Variants in SHANK2 observed in about 807,000 individuals in gnomAD.
The protein encoded by SHANK2 is SH3 and multiple ankyrin repeat domains protein 2.
In SHANK2, 43 loss-of-function variants were observed where a neutral mutation model predicts 133.7. The ratio of observed to expected loss-of-function variants is 0.32; its 90% confidence interval spans 0.25 to 0.41. SHANK2 has a LOEUF of 0.41. Among genes scored for constraint, SHANK2 ranks in the 10% least tolerant of loss-of-function variants. The pLI is 1.00. For missense variants in SHANK2, 1,994 were observed against 2,235.8 expected (o/e 0.89, Z 2.18); for synonymous variants, 1,017 against 952.8 (o/e 1.07, Z -1.24).
At chr11:71,233,538 C>A (rs1205450468) in intron 1 of SHANK2, among the ~76,000 whole-genome samples, 1 of 152,028 alleles carries the variant, frequency 6.6e-6, no homozygotes, top group African/African-American at 2.4e-5. Context: ...AAACATGTTC[C>A]TAAATCGACT....
At position 70,500,001 on chromosome 11, in the gene SHANK2, G is replaced by A. The variant is rs565789; in HGVS notation, c.2308+569C>T. ...CCCCGATGTGCTTGCTGCTGTGAAA[G>A]GGGGAACCTGAGTCTATCTGGGGCC... On this transcript the variant is annotated intron_variant, in intron 21 of 25. Transcript: ENST00000601538. This position sits in a 1 kb window ranked among gnomAD's most constrained non-coding sequence, Gnocchi z 4.5. 0.024 allele frequency among the ~76,000 whole-genome samples: 3,625 copies of A among 152,290 alleles called. 77 individuals are homozygous for A. Among genetic ancestry groups the A allele is most frequent in the Middle Eastern group, 0.054 (16 of 294 alleles).
At chr11:70,623,604 C>G (rs2060863105) in intron 17 of SHANK2, among the ~76,000 whole-genome samples, 2 of 152,158 alleles carry the variant, frequency 1.3e-5, no homozygotes, top group African/African-American at 4.8e-5. Context: ...CCTTCATTTC[C>G]CAGATGGAAG....
chr11:70,707,396 A>AAAAAG, intron 14 of SHANK2, among the ~76,000 whole-genome samples: 1 of 106,952 alleles, frequency 9.3e-6, no homozygotes, highest in Non-Finnish European at 2.1e-5. Flanking sequence ...AAAAAAAAAA[A>AAAAAG]AGAGAGAGAG....
intron 17 of SHANK2, among the ~76,000 whole-genome samples, chr11:70,544,734 CT>C (rs1216583161): frequency 6.6e-6 from 1 of 152,246 alleles, no homozygotes. Context: ...CCTGCTGCTG[CT>C]GTGACCTGAA....
intron 3 of SHANK2, among the ~76,000 whole-genome samples, chr11:71,129,619 G>A (rs1403102335): frequency 2.0e-5 from 3 of 152,266 alleles, no homozygotes; most frequent in African/African-American, 7.2e-5. Context: ...ATTCCAGCCT[G>A]GGTGACAGAG....
intron 14 of SHANK2, among the ~76,000 whole-genome samples, chr11:70,710,160 G>A (rs1945750272): frequency 6.6e-6 from 1 of 152,196 alleles, no homozygotes; most frequent in African/African-American, 2.4e-5. Context: ...CGCCTCCTCA[G>A]TGGCCGTGGG....
At chr11:70,635,767 A>AGG (rs140407741) in intron 17 of SHANK2, among the ~76,000 whole-genome samples, 16 of 150,790 alleles carry the variant, frequency 1.1e-4, no homozygotes, top group African/African-American at 3.9e-4. Context: ...AAAAAAAAAA[A>AGG]GGGGGGAGGA....
intron 14 of SHANK2, among the ~76,000 whole-genome samples, chr11:70,765,290 C>T (rs1319006198): frequency 6.6e-6 from 1 of 152,202 alleles, no homozygotes; most frequent in Non-Finnish European, 1.5e-5. Flanking sequence ...ATGATTGGGT[C>T]AGGGATGGGC....
intron 17 of SHANK2, among the ~76,000 whole-genome samples, chr11:70,565,192 A>C (rs751751113): frequency 1.3e-5 from 2 of 151,198 alleles, no homozygotes; most frequent in Non-Finnish European, 2.9e-5. Flanking sequence ...TTCTGGGTGT[A>C]GTTAAGTCAC....
intron 14 of SHANK2, among the ~76,000 whole-genome samples, chr11:70,730,518 A>C (rs1946266249): frequency 6.6e-6 from 1 of 152,056 alleles, no homozygotes; most frequent in Non-Finnish European, 1.5e-5. Flanking sequence ...TGTAACGCTG[A>C]GTGTGCCCCT....
Position 70,863,835 on chromosome 11 carries a change from C to T in SHANK2, c.1174+32666G>A, listed in dbSNP as rs782695164. Reference sequence around the variant, plus strand: ...GAAACCTGGACAGACAGGAAGAAACCGAGTGAGGATGACGACAGCCACCTG... The same window carrying T: ...GAAACCTGGACAGACAGGAAGAAACTGAGTGAGGATGACGACAGCCACCTG... On this transcript the variant is annotated intron_variant, in intron 11 of 25. Coordinates refer to ENST00000601538, the MANE Select transcript of SHANK2 (RefSeq NM_012309.5). 1.0e-4 allele frequency: 48 copies of T among 457,560 alleles called. 1 individual carries two copies. Among genetic ancestry groups the T allele is most frequent in the Admixed American group, 8.7e-4 (37 of 42,554 alleles). 28.3% of individuals were successfully genotyped at this position (457,560 alleles called of 1,614,324 possible). A position where few individuals can be genotyped will look rare whatever the true frequency, so the allele number is the denominator to read the frequency against.
chr11:70,598,116 G>C (rs1233488473), intron 17 of SHANK2, among the ~76,000 whole-genome samples: 1 of 152,210 alleles, frequency 6.6e-6, no homozygotes, highest in African/African-American at 2.4e-5. Context: ...CTGGAGTCCA[G>C]AGCCAGCAGG....
At chr11:70,779,082 G>C (rs1947429132) in intron 14 of SHANK2, among the ~76,000 whole-genome samples, 1 of 152,086 alleles carries the variant, frequency 6.6e-6, no homozygotes, top group South Asian at 2.1e-4. Context: ...CCACAGCAAA[G>C]CCAGAGACTG....
chr11:70,637,117 G>A (rs1195323082), intron 17 of SHANK2, among the ~76,000 whole-genome samples: 3 of 152,014 alleles, frequency 2.0e-5, no homozygotes, highest in Non-Finnish European at 2.9e-5. Context: ...GTATGTGCAC[G>A]TGTGTGGGTG....
At chr11:70,511,593 G>A (rs1270085758) in intron 17 of SHANK2, among the ~76,000 whole-genome samples, 2 of 152,342 alleles carry the variant, frequency 1.3e-5, no homozygotes, top group Admixed American at 6.5e-5. Context: ...GAAGGCTCAG[G>A]TAAGTACTGC....
chr11:71,147,028 T>C, intron 3 of SHANK2, 92 bp downstream of exon 3: 1 of 1,090,390 alleles, frequency 9.2e-7, no homozygotes, highest in Non-Finnish European at 1.3e-6. Flanking sequence ...GTCAGGACCG[T>C]GGGTCCGGGG....
chr11:70,770,892 TCTCCTTCC>T (rs1328453875), intron 14 of SHANK2, among the ~76,000 whole-genome samples: 2 of 146,212 alleles, frequency 1.4e-5, no homozygotes, highest in Non-Finnish European at 3.0e-5. Flanking sequence ...TCCCTCCTTC[TCTCCTTCC>T]CTCCCTCTTA....
At chr11:70,765,697 T>A (rs1487992757) in intron 14 of SHANK2, among the ~76,000 whole-genome samples, 1 of 152,082 alleles carries the variant, frequency 6.6e-6, no homozygotes, top group East Asian at 1.9e-4. Flanking sequence ...GGCTCTGAAA[T>A]CCCCTGCGAG....
At chr11:70,727,678 A>C (rs892826607) in intron 14 of SHANK2, among the ~76,000 whole-genome samples, 1 of 152,182 alleles carries the variant, frequency 6.6e-6, no homozygotes, top group Non-Finnish European at 1.5e-5. Context: ...TACGGTAAAA[A>C]TGAGGTGGCC....
Sources: allele counts gnomAD v4.1 joint callset (sites outside exome capture counted in the v4.1 genomes callset), GRCh38; gene constraint gnomAD v4.1.1; non-coding constraint Gnocchi (gnomAD v3.1); transcripts MANE v1.5; gene names NCBI Gene and HGNC (gene_info 2026-07-23, HGNC 2026-07-21).